DCLK1: variants seen among roughly 807,000 people sequenced by gnomAD.
DCLK1 encodes the protein doublecortin like kinase 1.
In DCLK1, 16 loss-of-function variants were observed where a neutral mutation model predicts 86.2. The ratio of observed to expected loss-of-function variants is 0.19; its 90% CI spans 0.13 to 0.28. The LOEUF (loss-of-function observed/expected upper bound fraction) is 0.28, where lower values mean the gene tolerates loss of function less well. Ranked by LOEUF, DCLK1 falls within the 10% of genes least tolerant of loss-of-function variation. DCLK1 has a pLI of 1.00. For synonymous variants in DCLK1, 369 were observed against 370.5 expected (o/e 1.00, Z 0.05); for missense variants, 590 against 940.2 (o/e 0.63, Z 4.87).
At chr13:35,848,638 A>G in intron 6 of DCLK1, 1 of 985,372 alleles carries the variant, frequency 1.0e-6, no homozygotes, top group African/African-American at 1.7e-5. Context: ...ACCACTTAGA[A>G]CAAATAGCAT....
intron 3 of DCLK1, among the ~76,000 whole-genome samples, chr13:35,978,746 C>A (rs1197029394): frequency 6.6e-6 from 1 of 152,154 alleles, no homozygotes; most frequent in African/African-American, 2.4e-5. Context: ...TACACTTACC[C>A]TGACAAGAGA....
intron 3 of DCLK1, among the ~76,000 whole-genome samples, chr13:35,990,074 C>T (rs1364265100): frequency 6.6e-6 from 1 of 152,038 alleles, no homozygotes; most frequent in Non-Finnish European, 1.5e-5. Context: ...GTGGCACACT[C>T]GTGATGAGAA....
At chr13:35,844,290 T>C (rs970300869) in intron 6 of DCLK1, among the ~76,000 whole-genome samples, 1 of 152,234 alleles carries the variant, frequency 6.6e-6, no homozygotes, top group African/African-American at 2.4e-5. Flanking sequence ...GTTGGTTTAC[T>C]GAAAGGAGGA....
chr13:36,033,482 T>C (rs556582197), intron 3 of DCLK1, among the ~76,000 whole-genome samples: 75 of 152,190 alleles, frequency 4.9e-4, no homozygotes, highest in Non-Finnish European at 1.3e-4. Context: ...AAACCATTTA[T>C]TCTTAATATT....
chr13:36,046,177 G>T (rs534925891), intron 3 of DCLK1, among the ~76,000 whole-genome samples: 1 of 152,228 alleles, frequency 6.6e-6, no homozygotes, highest in South Asian at 2.1e-4. Flanking sequence ...TGCTTAATAA[G>T]CTTGCAGAAG....
chr13:36,095,426 G>A (rs1041665506), intron 3 of DCLK1, among the ~76,000 whole-genome samples: 18 of 151,874 alleles, frequency 1.2e-4, no homozygotes, highest in African/African-American at 2.2e-4. Context: ...GGCTGGTCTC[G>A]AACTCCTGAG....
At chr13:35,925,874 C>T (rs1593738676) in intron 4 of DCLK1, among the ~76,000 whole-genome samples, 1 of 152,258 alleles carries the variant, frequency 6.6e-6, no homozygotes, top group South Asian at 2.1e-4. Flanking sequence ...TATGACTACA[C>T]ATCCAAGATA....
chr13:36,047,802 A>G (rs996958691), intron 3 of DCLK1, among the ~76,000 whole-genome samples: 4 of 152,112 alleles, frequency 2.6e-5, no homozygotes, highest in Non-Finnish European at 5.9e-5. Context: ...TATATCAAAT[A>G]CCTGAGGGCT....
chr13:35,822,132 A>ACTTTT (rs1166585911), intron 11 of DCLK1, among the ~76,000 whole-genome samples: 1 of 151,564 alleles, frequency 6.6e-6, no homozygotes, highest in African/African-American at 2.4e-5. Flanking sequence ...ACTTCTTTTT[A>ACTTTT]CTTTTCTTTT....
intron 5 of DCLK1, among the ~76,000 whole-genome samples, chr13:35,860,490 G>GACCA: frequency 6.6e-6 from 1 of 151,946 alleles, no homozygotes; most frequent in South Asian, 2.1e-4. Context: ...TGAGACAATG[G>GACCA]GTCCAATTCA....
chr13:36,048,592 T>A (rs1011401372), intron 3 of DCLK1, among the ~76,000 whole-genome samples: 4 of 152,160 alleles, frequency 2.6e-5, no homozygotes, highest in African/African-American at 9.7e-5. Flanking sequence ...ACTGAATAAT[T>A]TCCAGGTTAT....
At chr13:35,960,571 C>A (rs1295477348) in intron 3 of DCLK1, among the ~76,000 whole-genome samples, 2 of 152,132 alleles carry the variant, frequency 1.3e-5, no homozygotes, top group Non-Finnish European at 2.9e-5. Flanking sequence ...TGATCCTCTG[C>A]CTCAGCCTCC....
At chr13:35,893,470 C>G (rs546926404) in intron 4 of DCLK1, among the ~76,000 whole-genome samples, 38 of 152,204 alleles carry the variant, frequency 2.5e-4, no homozygotes, top group Non-Finnish European at 4.1e-4. Flanking sequence ...ACTGGTTGAG[C>G]ATCCCTGACC....
intron 6 of DCLK1, among the ~76,000 whole-genome samples, chr13:35,852,060 A>G (rs1336170236): frequency 6.6e-6 from 1 of 151,874 alleles, no homozygotes; most frequent in African/African-American, 2.4e-5. Flanking sequence ...TTTCTTGGCC[A>G]TGTTGCTAGG....
chr13:36,009,756 G>C lies in DCLK1; in HGVS notation c.724-62299C>G, dbSNP rs1045739858. Among the ~76,000 whole-genome samples, 281 of 121,162 alleles carry C rather than the reference G, an allele frequency of 2.3e-3. 8 individuals are homozygous for C. The Admixed American group carries it at 0.023, about 10-fold the overall frequency. The allele number at this position is 121,162 out of a possible 152,430, so 79.5% of individuals were successfully genotyped here. On this transcript the variant is annotated intron_variant, in intron 3 of 16. Transcript: ENST00000360631. ...CTTTAAAGTAGTTTTTTCCAATTCT[G>C]TGAGGAAAGTCATTGGTAGCTTGAT...
intron 15 of DCLK1, among the ~76,000 whole-genome samples, chr13:35,798,081 C>T (rs2086847593): frequency 6.6e-6 from 1 of 152,118 alleles, no homozygotes; most frequent in African/African-American, 2.4e-5. Flanking sequence ...TTAGAAATTC[C>T]CATCCACCAC....
In DCLK1 at chr13:36,124,965, C is replaced by T. The variant is rs1384597077; in HGVS notation, c.376+797G>A. ...TTCTAAGGCAATGACAGGCTTTATG[C>T]CCTGTTCAAACAGGGTCAGTCCTGA... On this transcript the variant is annotated intron_variant, in intron 2 of 16. Transcript: ENST00000360631. Among the ~76,000 whole-genome samples, 7 of 152,268 alleles carry T rather than the reference C, an allele frequency of 4.6e-5. No homozygotes were observed. The South Asian group carries it at 1.0e-3, about 23-fold the overall frequency.
intron 3 of DCLK1, among the ~76,000 whole-genome samples, chr13:35,979,583 G>A (rs1308730552): frequency 1.3e-5 from 2 of 152,176 alleles, no homozygotes; most frequent in African/African-American, 4.8e-5. Context: ...TGGCTAAAAG[G>A]GAAGGAACTG....
chr13:35,934,249 C>G (rs1477947762), intron 4 of DCLK1, among the ~76,000 whole-genome samples: 1 of 152,228 alleles, frequency 6.6e-6, no homozygotes, highest in Non-Finnish European at 1.5e-5. Flanking sequence ...CAAACTGTTC[C>G]AACCTCTGCC....
Sources: gnomAD v4.1 joint callset for allele counts (sites outside exome capture counted in the v4.1 genomes callset) on GRCh38, gnomAD v4.1.1 for gene constraint, MANE v1.5 for transcripts, NCBI Gene and HGNC (gene_info 2026-07-23, HGNC 2026-07-21) for gene names.